PHKA2: variants seen among roughly 807,000 people sequenced by gnomAD.
PHKA2 encodes the protein phosphorylase kinase regulatory subunit alpha 2, also known as phosphorylase b kinase regulatory subunit alpha, liver isoform.
PHKA2 carries 31 observed loss-of-function variants against 102.0 expected under a neutral mutation model. The ratio of observed to expected loss-of-function variants is 0.30; its 90% CI spans 0.23 to 0.41. The LOEUF (loss-of-function observed/expected upper bound fraction) is 0.41, where lower values mean the gene tolerates loss of function less well. Among genes scored for constraint, PHKA2 ranks in the 10% least tolerant of loss-of-function variants. The pLI, the probability that PHKA2 is intolerant of heterozygous loss-of-function variation, is 1.00. For synonymous variants in PHKA2, 455 were observed against 416.2 expected (o/e 1.09, Z -1.13); for missense variants, 858 against 1,023.1 (o/e 0.84, Z 2.20).
chrX:18,978,662 G>A (rs1871361539), intron 1 of PHKA2, among the ~76,000 whole-genome samples: 2 of 110,652 alleles, frequency 1.8e-5, no homozygotes, highest in Non-Finnish European at 3.8e-5. Flanking sequence ...GTAGTGAGCC[G>A]AGATCGCACC....
chrX:18,951,199 G>T lies in PHKA2; in HGVS notation c.359C>A (p.Thr120Asn). The stretch of plus-strand genomic sequence containing the variant: ...GTCGTCGCCCACCACCGTGCCACAG[G>T]TGGCGGTGTTGTACTTGGCGTGCAG... The part of the protein sequence containing the change: ...DSLHAKYNTA[T>N]CGTVVGDDQW... Residue 120 changes from threonine (T) to asparagine (N), a missense_variant, in exon 4 of 33, where the codon ACC becomes AAC. Physicochemically the swap from Thr to Asn is moderately conservative, Grantham distance 65. Transcript: ENST00000379942. 1 of 1,211,590 alleles carries T rather than the reference G, an allele frequency of 8.3e-7. No individual in the cohort carries two copies. The highest frequency in any genetic ancestry group is 1.7e-5 in the African/African-American group (1 of 57,873).
At chrX:18,973,066 G>C (rs1227314729) in intron 1 of PHKA2, among the ~76,000 whole-genome samples, 1 of 110,705 alleles carries the variant, frequency 9.0e-6, no homozygotes, top group Admixed American at 9.5e-5. Flanking sequence ...GCAGTAGCAT[G>C]ATCTTGGCTC....
intron 1 of PHKA2, among the ~76,000 whole-genome samples, chrX:18,962,971 G>A (rs914761289): frequency 1.8e-5 from 2 of 112,319 alleles, no homozygotes; most frequent in African/African-American, 6.5e-5. Flanking sequence ...AGGTGTTAAG[G>A]GGAGGCTTCA....
At chrX:18,914,661 A>G (rs2047989786) in intron 19 of PHKA2, among the ~76,000 whole-genome samples, 1 of 112,359 alleles carries the variant, frequency 8.9e-6, no homozygotes. Flanking sequence ...AGAAGAGGGT[A>G]AAGGAGGAAG....
In PHKA2 at chrX:18,906,524, G is replaced by T; in HGVS notation, c.2777C>A (p.Thr926Lys). 2.5e-6 allele frequency: 3 copies of T among 1,211,781 alleles called. No homozygotes were observed. Among genetic ancestry groups the T allele is most frequent in the Non-Finnish European group, 3.4e-6 (3 of 894,997 alleles). Residue 926 changes from threonine to lysine, a missense_variant, in exon 25 of 33, where the codon ACG (threonine) becomes AAG (lysine). By Grantham distance (78) the Thr-to-Lys change is moderately conservative. Transcript: ENST00000379942. ...GCAGTTCAGGCTCCGTGCCAGCTCC[G>T]TGGCCATCACCTGAATGATCAGTCC... is the stretch of plus-strand genomic sequence containing the variant. ...RIGLIIQVMA[T>K]ELARSLNCSG...
chrX:18,906,355 G>T, intron 25 of PHKA2, 140 bp downstream of exon 25: 1 of 718,356 alleles, frequency 1.4e-6, no homozygotes, highest in Non-Finnish European at 2.2e-6. Context: ...AATGAGAGAA[G>T]CTGGTAAGGC....
intron 4 of PHKA2, among the ~76,000 whole-genome samples, chrX:18,950,225 C>G (rs984518973): frequency 8.9e-6 from 1 of 112,046 alleles, no homozygotes; most frequent in Non-Finnish European, 1.9e-5. Flanking sequence ...TCTGGGCACA[C>G]TGCTGAGTGG....
At chrX:18,942,347 C>T (rs771679625) in intron 7 of PHKA2, among the ~76,000 whole-genome samples, 3 of 111,856 alleles carry the variant, frequency 2.7e-5, no homozygotes, top group African/African-American at 9.7e-5. Flanking sequence ...TGAGATCTAA[C>T]ACGTACAGAC....
intron 1 of PHKA2, among the ~76,000 whole-genome samples, chrX:18,979,856 G>C (rs1388163025): frequency 9.0e-6 from 1 of 110,742 alleles, no homozygotes; most frequent in Admixed American, 9.6e-5. Context: ...CTGAAATTAT[G>C]TGAACCAACT....
In PHKA2 at chrX:18,894,279, C is replaced by T. The variant is rs2047489883; in HGVS notation, c.3462G>A (p.Glu1154=). The change falls in exon 32 of 33, where the codon GAG becomes GAA. Residue 1154 remains glutamate, a synonymous_variant. Coordinates refer to ENST00000379942, the MANE Select transcript of PHKA2 (RefSeq NM_000292.3). ...IMVLTLLSDT[E]MTSIGGIIHV... is the part of the protein sequence containing the mutation. ...GGATGATGCCCCCGATGCTGGTCAT[C>T]TCCGTGTCCGAGAGCAGCGTCAGCA... 1.7e-6 allele frequency: 2 copies of T among 1,211,600 alleles called. No individual in the cohort carries two copies. The highest frequency in any genetic ancestry group is 3.0e-5 in the East Asian group (1 of 33,842).
chrX:18,966,086 TTTTTTG>T (rs2048938230), intron 1 of PHKA2, among the ~76,000 whole-genome samples: 1 of 103,924 alleles, frequency 9.6e-6, no homozygotes, highest in African/African-American at 3.7e-5. Context: ...CTTTTGTTTT[TTTTTTG>T]TTTTTTTTTT....
chrX:18,895,546 T>C, intron 30 of PHKA2: 1 of 265,900 alleles, frequency 3.8e-6, no homozygotes, highest in South Asian at 5.7e-5. Flanking sequence ...TCATGGCTCC[T>C]GCTGGGGAAG....
intron 2 of PHKA2, among the ~76,000 whole-genome samples, chrX:18,952,899 C>T (rs113227926): frequency 0.013 from 1,447 of 112,179 alleles, 19 homozygotes; most frequent in African/African-American, 0.045. Flanking sequence ...AAGTCCACCA[C>T]GCCTGCCCAA....
In PHKA2 at chrX:18,906,534, C is replaced by T. The variant is rs1249105413; in HGVS notation, c.2767G>A (p.Val923Met). The change falls in exon 25 of 33, where the codon GTG becomes ATG. Residue 923 changes from valine to methionine, a missense_variant. Physicochemically the swap from Val to Met is conservative, Grantham distance 21 (BLOSUM62 1). This residue lies in a region of PHKA2 where 671 missense variants were observed against 745.2 expected (regional missense o/e 0.90). Coordinates refer to ENST00000379942, the MANE Select transcript of PHKA2 (RefSeq NM_000292.3). ...CTCCGTGCCAGCTCCGTGGCCATCA[C>T]CTGAATGATCAGTCCAATCCGGAGT... ...LRLRIGLIIQVMATELARSLN... is the reference protein window; with the variant it reads ...LRLRIGLIIQMMATELARSLN... 1 of 1,211,658 alleles carries T rather than the reference C, an allele frequency of 8.3e-7. No homozygotes were observed. Among genetic ancestry groups the T allele is most frequent in the Admixed American group, 2.2e-5 (1 of 46,159 alleles).
intron 1 of PHKA2, among the ~76,000 whole-genome samples, chrX:18,974,502 C>T (rs900167396): frequency 1.8e-5 from 2 of 112,092 alleles, no homozygotes; most frequent in Admixed American, 1.9e-4. Context: ...CACTTTCCGA[C>T]TTCCATCTTA....
intron 6 of PHKA2, among the ~76,000 whole-genome samples, chrX:18,944,676 T>G (rs1201487313): frequency 8.9e-6 from 1 of 112,237 alleles, no homozygotes; most frequent in East Asian, 2.8e-4. Context: ...TAGTTTCACT[T>G]CGTACTGTTA....
At position 18,901,601 on chromosome X, in the gene PHKA2, G is replaced by A. The variant is rs768601102; in HGVS notation, c.2911C>T (p.Arg971Cys). ...GKEFGVERSV[R>C]PIHSSTSSPT... ...CTGGATGTGGAGGAGTGGATAGGGC[G>A]CACTGGGTGGGAAACACACACACGT... The change falls in exon 27 of 33, where the codon CGC becomes TGC. Residue 971 changes from arginine to cysteine, a missense_variant and splice_region_variant. Arg to Cys is a radical substitution (Grantham distance 180). Coordinates refer to ENST00000379942, the MANE Select transcript of PHKA2 (RefSeq NM_000292.3). 1.8e-5 allele frequency: 21 copies of A among 1,150,993 alleles called. No homozygotes were observed. The highest frequency in any genetic ancestry group is 6.0e-5 in the East Asian group (2 of 33,494). 94.9% of individuals were successfully genotyped at this position (1,150,993 alleles called of 1,213,427 possible).
At chrX:18,953,599 T>G (rs144978710) in intron 2 of PHKA2, among the ~76,000 whole-genome samples, 78 of 112,255 alleles carry the variant, frequency 6.9e-4, no homozygotes, top group African/African-American at 2.3e-3. Flanking sequence ...CATATCAGTT[T>G]ATGATGATGT....
intron 1 of PHKA2, among the ~76,000 whole-genome samples, chrX:18,971,459 A>C (rs1601801881): frequency 8.9e-6 from 1 of 112,385 alleles, no homozygotes; most frequent in Non-Finnish European, 1.9e-5. Flanking sequence ...ACAGTGAAGT[A>C]AGTCACCTGG....
Sources: allele counts gnomAD v4.1 joint callset (sites outside exome capture counted in the v4.1 genomes callset), GRCh38; gene constraint gnomAD v4.1.1; regional missense constraint gnomAD v4.1.1; transcripts MANE v1.5; gene names NCBI Gene and HGNC (gene_info 2026-07-23, HGNC 2026-07-21).